RFX4: variants seen among roughly 807,000 people sequenced by gnomAD.
RFX4 encodes regulatory factor X4, also known as transcription factor RFX4.
A neutral mutation model predicts 95.0 loss-of-function variants in RFX4; 10 were observed. The ratio of observed to expected loss-of-function variants is 0.11; its 90% confidence interval spans 0.06 to 0.18. The LOEUF (loss-of-function observed/expected upper bound fraction) is 0.18, where lower values mean the gene tolerates loss of function less well. RFX4 is among the 10% of genes least tolerant of loss of function. The probability of loss-of-function intolerance (pLI) is 1.00; values close to 1 mark genes in which losing one functional copy is unlikely to be tolerated. For synonymous variants in RFX4, 321 were observed against 340.7 expected, an observed-to-expected ratio of 0.94 and a Z score of 0.64; for missense variants, 640 against 922.0, an observed-to-expected ratio of 0.69 and a Z score of 3.96.
intron 8 of RFX4, among the ~76,000 whole-genome samples, chr12:106,707,479 T>C (rs958446970): frequency 9.2e-5 from 14 of 152,072 alleles, no homozygotes; most frequent in Non-Finnish European, 2.1e-4. Context: ...GCAGGAGTTT[T>C]GTGACTGGGG....
intron 2 of RFX4, among the ~76,000 whole-genome samples, chr12:106,616,022 A>G (rs2040065833): frequency 6.6e-6 from 1 of 152,196 alleles, no homozygotes; most frequent in African/African-American, 2.4e-5. Flanking sequence ...GATAGTGGAC[A>G]TCATTGCCTT....
At chr12:106,702,409 G>A (rs568029052) in intron 8 of RFX4, among the ~76,000 whole-genome samples, 1 of 152,266 alleles carries the variant, frequency 6.6e-6, no homozygotes, top group South Asian at 2.1e-4. Flanking sequence ...CTTTAGTGTA[G>A]CACCAGATTT....
intron 2 of RFX4, among the ~76,000 whole-genome samples, chr12:106,633,338 TCATG>T (rs2137265819): frequency 6.6e-6 from 1 of 152,350 alleles, no homozygotes; most frequent in South Asian, 2.1e-4. Context: ...CTACATGGCC[TCATG>T]CAATTATTCA....
intron 5 of RFX4, 44 bp from the exon 6 acceptor site, chr12:106,686,840 T>TC (rs1491535182): frequency 3.3e-5 from 7 of 214,676 alleles, no homozygotes; most frequent in Admixed American, 9.4e-5. Context: ...GGTCTCTCTC[T>TC]TTTTTTTTTT....
At chr12:106,759,590 A>G (rs1249408435) in intron 17 of RFX4, among the ~76,000 whole-genome samples, 1 of 152,118 alleles carries the variant, frequency 6.6e-6, no homozygotes, top group Admixed American at 6.5e-5. Context: ...AGGGTCCACC[A>G]CTGCTGCCAC....
rs186982244 is a variant in RFX4 at position 106,614,759 on chromosome 12, T to G, written c.130+5876T>G. ...CTCCTGACCTCGTGATCTACCCGCCTTGGCCTCCCAAAGTGCTAGGATTAC... is the reference window on the plus strand; with the variant it reads ...CTCCTGACCTCGTGATCTACCCGCCGTGGCCTCCCAAAGTGCTAGGATTAC... On this transcript the variant is annotated intron_variant, in intron 2 of 17. Transcript: ENST00000392842. 3.4e-3 allele frequency among the ~76,000 whole-genome samples: 518 copies of G among 152,190 alleles called. 2 individuals carry two copies. Among genetic ancestry groups the G allele is most frequent in the African/African-American group, 0.012 (508 of 41,534 alleles).
At chr12:106,688,935 C>T (rs960352868) in intron 6 of RFX4, among the ~76,000 whole-genome samples, 1 of 152,108 alleles carries the variant, frequency 6.6e-6, no homozygotes, top group Non-Finnish European at 1.5e-5. Context: ...GCTCTATGTG[C>T]CAGGCACTGT....
intron 1 of RFX4, 33 bp from the exon 2 acceptor site, chr12:106,608,763 CT>C: frequency 1.3e-6 from 2 of 1,544,852 alleles, no homozygotes; most frequent in Non-Finnish European, 1.7e-6. Context: ...TTTTCTTTTT[CT>C]TTTCTTTCTT....
At chr12:106,674,395 A>T (rs1429632951) in intron 4 of RFX4, among the ~76,000 whole-genome samples, 1 of 149,460 alleles carries the variant, frequency 6.7e-6, no homozygotes, top group Non-Finnish European at 1.5e-5. Flanking sequence ...CAGCGGTGTG[A>T]TCTCGGCTCA....
intron 4 of RFX4, among the ~76,000 whole-genome samples, chr12:106,677,218 A>G (rs893041712): frequency 5.9e-5 from 9 of 152,302 alleles, no homozygotes; most frequent in African/African-American, 1.9e-4. Context: ...TCACTAGGAA[A>G]ACAGAGAAAG....
chr12:106,647,483 T>G (rs538493374), intron 3 of RFX4, among the ~76,000 whole-genome samples: 15 of 152,238 alleles, frequency 9.9e-5, no homozygotes, highest in African/African-American at 2.9e-4. Context: ...ATATTAACCA[T>G]GCTTTTCCTT....
chr12:106,620,786 T>C (rs1012511309), intron 2 of RFX4, among the ~76,000 whole-genome samples: 1 of 152,018 alleles, frequency 6.6e-6, no homozygotes, highest in Non-Finnish European at 1.5e-5. Flanking sequence ...TCTCAGTCCT[T>C]ATCTCAACCA....
chr12:106,761,128 TGAC>T, intron 17 of RFX4, 66 bp from the exon 18 acceptor site: 1 of 1,484,814 alleles, frequency 6.7e-7, no homozygotes. Flanking sequence ...ACTATAAACA[TGAC>T]TGATATTGTG....
At position 106,756,402 on chromosome 12, in the gene RFX4, TG is replaced by T. The variant is rs1254609711; in HGVS notation, c.1936-4794del. On this transcript the variant is annotated intron_variant, in intron 17 of 17. Coordinates refer to ENST00000392842, the MANE Select transcript of RFX4 (RefSeq NM_213594.3). ...TTTGATCACACTTAGACTGGAAAGC[TG>T]TCCCTTATTTCTCATCTGAAAGGCA... is the stretch of plus-strand genomic sequence containing the variant. Among the ~76,000 whole-genome samples the T allele has an allele frequency of 2.6e-5, 4 of 152,192 alleles. No homozygotes were observed. In the East Asian group the frequency reaches 7.7e-4, roughly 29 times the overall value.
chr12:106,634,830 A>G (rs890230916), intron 2 of RFX4, among the ~76,000 whole-genome samples: 3 of 152,030 alleles, frequency 2.0e-5, no homozygotes, highest in Non-Finnish European at 4.4e-5. Context: ...CTGCTTTTTC[A>G]TGTAGTCTGG....
chr12:106,736,550 C>G (rs959404592), intron 15 of RFX4, among the ~76,000 whole-genome samples: 2 of 152,168 alleles, frequency 1.3e-5, no homozygotes. Context: ...AAGCCCTGGC[C>G]TGAAGGTGGC....
intron 2 of RFX4, among the ~76,000 whole-genome samples, chr12:106,611,938 G>C (rs920113314): frequency 5.9e-5 from 9 of 152,192 alleles, no homozygotes; most frequent in African/African-American, 2.2e-4. Flanking sequence ...TGTATGTGGA[G>C]GTTTATTTCT....
Position 106,608,780 on chromosome 12 carries a change from C to CTTTTTTTTT in RFX4, c.44-11_44-3dup. On this transcript the variant is annotated splice_polypyrimidine_tract_variant and intron_variant, in intron 1 of 17. Transcript: ENST00000392842. Reference sequence around the variant, plus strand: ...TTCTTTTTCTTTTCTTTCTTTCTTTCTTTTTTTTTTTTTTAGAGAGCTGGA... The same window carrying CTTTTTTTTT: ...TTCTTTTTCTTTTCTTTCTTTCTTTCTTTTTTTTTTTTTTTTTTTTTTTAGAGAGCTGGA... 7.0e-7 allele frequency: 1 copy of CTTTTTTTTT among 1,421,330 alleles called. No homozygotes were observed. The highest frequency in any genetic ancestry group is 9.4e-7 in the Non-Finnish European group (1 of 1,058,898). The allele number at this position is 1,421,330 out of a possible 1,614,324, so 88.0% of individuals were successfully genotyped here.
intron 13 of RFX4, among the ~76,000 whole-genome samples, chr12:106,721,098 T>G (rs112519981): frequency 6.6e-6 from 1 of 152,130 alleles, no homozygotes; most frequent in East Asian, 1.9e-4. Context: ...TGCCCACAGA[T>G]AGTACTATCT....
Sources: allele counts gnomAD v4.1 joint callset (sites outside exome capture counted in the v4.1 genomes callset), GRCh38; gene constraint gnomAD v4.1.1; transcripts MANE v1.5; gene names NCBI Gene and HGNC (gene_info 2026-07-23, HGNC 2026-07-21).